RAD51B: variants seen among roughly 807,000 people sequenced by gnomAD.
RAD51B encodes DNA repair protein RAD51 homolog 2.
In RAD51B, 38 loss-of-function variants were observed where a neutral mutation model predicts 42.2. That is an observed-to-expected ratio of 0.90 (90% CI 0.70 to 1.18). The LOEUF is 1.18. Ranked by LOEUF, RAD51B falls within the 50% of genes most tolerant of loss-of-function variation. The pLI is 0.00. For synonymous variants in RAD51B, 154 were observed against 145.2 expected (o/e 1.06, Z -0.43); for missense variants, 373 against 400.7 (o/e 0.93, Z 0.59).
In RAD51B at chr14:67,918,767, C is replaced by T. The variant is rs537862637; in HGVS notation, c.756+31563C>T. Among the ~76,000 whole-genome samples the T allele has an allele frequency of 1.3e-3, 191 of 152,280 alleles. 2 individuals are homozygous for T. The highest frequency in any genetic ancestry group is 4.1e-3 in the African/African-American group (172 of 41,568). On this transcript the variant is annotated intron_variant, in intron 7 of 10. Transcript: ENST00000471583. ...GAAGCTAGTAGACAAGGAAGCAATACCTTCAAAGTGCTGAGGGAAAATTAT... is the reference window on the plus strand; with the variant it reads ...GAAGCTAGTAGACAAGGAAGCAATATCTTCAAAGTGCTGAGGGAAAATTAT...
downstream of RAD51B, among the ~76,000 whole-genome samples, chr14:68,600,080 C>T (rs1192803224): frequency 6.6e-6 from 1 of 152,168 alleles, no homozygotes; most frequent in African/African-American, 2.4e-5. Flanking sequence ...ACTCCCTGTC[C>T]CACGGGATGC....
At chr14:67,863,720 G>A (rs947887145) in intron 4 of RAD51B, among the ~76,000 whole-genome samples, 41 of 151,888 alleles carry the variant, frequency 2.7e-4, no homozygotes, top group African/African-American at 8.7e-4. Context: ...AAATTTGGGC[G>A]CCACAACTAA....
At chr14:68,308,311 A>G (rs1490025723) in intron 8 of RAD51B, among the ~76,000 whole-genome samples, 1 of 152,192 alleles carries the variant, frequency 6.6e-6, no homozygotes, top group Non-Finnish European at 1.5e-5. Flanking sequence ...GAAAAATTAG[A>G]AAGATGGAGA....
At chr14:68,157,393 G>C (rs940899271) in intron 7 of RAD51B, among the ~76,000 whole-genome samples, 3 of 152,164 alleles carry the variant, frequency 2.0e-5, no homozygotes, top group African/African-American at 7.2e-5. Flanking sequence ...ACTTAAGCAT[G>C]TTATATGAAA....
intron 8 of RAD51B, among the ~76,000 whole-genome samples, chr14:68,388,945 A>G (rs1014228889): frequency 5.3e-5 from 8 of 152,200 alleles, no homozygotes; most frequent in Non-Finnish European, 1.2e-4. Flanking sequence ...GGAGCCTTCA[A>G]TGATGTAAAT....
chr14:68,367,147 C>A (rs2083158450), intron 8 of RAD51B, among the ~76,000 whole-genome samples: 2 of 152,194 alleles, frequency 1.3e-5, no homozygotes, highest in Admixed American at 1.3e-4. Context: ...TGTAATTGTA[C>A]ATGGTCCAGT....
intron 10 of RAD51B, among the ~76,000 whole-genome samples, chr14:68,546,571 G>C (rs1457590084): frequency 6.6e-6 from 1 of 152,188 alleles, no homozygotes; most frequent in Non-Finnish European, 1.5e-5. Context: ...GAAGATGGCT[G>C]GAGCTGAGGT....
rs115949861 is a variant in RAD51B at position 68,577,369 on chromosome 14, G to A, written c.1037-17116G>A. On this transcript the variant is annotated intron_variant, in intron 10 of 10. Transcript: ENST00000487270. ...CAATTTTAATCATTTTGAAGATGAA[G>A]GTTTTGAAGATGAAGGCCCAGCCTC... Among the ~76,000 whole-genome samples the A allele has an allele frequency of 4.7e-3, 708 of 152,170 alleles. 5 individuals are homozygous for A. The highest frequency in any genetic ancestry group is 0.016 in the African/African-American group (682 of 41,520).
At chr14:68,427,495 A>G (rs1454271485) in intron 9 of RAD51B, among the ~76,000 whole-genome samples, 2 of 152,168 alleles carry the variant, frequency 1.3e-5, no homozygotes, top group Non-Finnish European at 2.9e-5. Flanking sequence ...CTGGAGCCTT[A>G]TTTGAGGTTG....
At chr14:68,095,042 C>T (rs991171144) in intron 7 of RAD51B, among the ~76,000 whole-genome samples, 3 of 152,090 alleles carry the variant, frequency 2.0e-5, no homozygotes, top group Non-Finnish European at 2.9e-5. Flanking sequence ...AGAGCAGGCT[C>T]GGGTTATTTT....
At chr14:68,628,182 T>C (rs539988024) in intron 10 of RAD51B, among the ~76,000 whole-genome samples, 124 of 152,370 alleles carry the variant, frequency 8.1e-4, no homozygotes, top group Middle Eastern at 3.4e-3. Context: ...AAATTTGGGT[T>C]CTCAAGTGGT....
At chr14:67,987,936 C>T (rs1159554785) in intron 7 of RAD51B, among the ~76,000 whole-genome samples, 2 of 152,118 alleles carry the variant, frequency 1.3e-5, no homozygotes, top group Non-Finnish European at 2.9e-5. Context: ...TCTGTAATGC[C>T]GAGTGATTTT....
At chr14:67,890,259 G>T (rs2043177571) in intron 7 of RAD51B, among the ~76,000 whole-genome samples, 1 of 151,928 alleles carries the variant, frequency 6.6e-6, no homozygotes, top group Non-Finnish European at 1.5e-5. Context: ...AATTTAGTTT[G>T]GCCCCTTCAT....
intron 7 of RAD51B, among the ~76,000 whole-genome samples, chr14:68,288,900 T>A (rs1361795193): frequency 3.9e-5 from 6 of 152,214 alleles, no homozygotes; most frequent in South Asian, 2.1e-4. Context: ...ACATTTTTTT[T>A]AACTAAGATA....
intron 10 of RAD51B, among the ~76,000 whole-genome samples, chr14:68,602,499 T>C (rs1891260105): frequency 8.5e-6 from 1 of 117,222 alleles, no homozygotes; most frequent in African/African-American, 2.9e-5. Flanking sequence ...GATGGATGGA[T>C]GGATAGCTAG....
At chr14:68,111,636 A>G (rs749074192) in intron 7 of RAD51B, among the ~76,000 whole-genome samples, 19 of 152,020 alleles carry the variant, frequency 1.2e-4, no homozygotes, top group Non-Finnish European at 2.5e-4. Context: ...TTTTGGGTAA[A>G]CTGAAAATCC....
intron 7 of RAD51B, among the ~76,000 whole-genome samples, chr14:68,132,596 T>C (rs2077917443): frequency 6.6e-6 from 1 of 152,204 alleles, no homozygotes; most frequent in Non-Finnish European, 1.5e-5. Context: ...ATATTAGGAA[T>C]GTCTCATGTG....
intron 10 of RAD51B, among the ~76,000 whole-genome samples, chr14:68,606,999 T>C (rs1032120413): frequency 6.6e-6 from 1 of 152,152 alleles, no homozygotes; most frequent in Admixed American, 6.5e-5. Context: ...TGGCATGTCA[T>C]GTGTAAATTA....
intron 10 of RAD51B, among the ~76,000 whole-genome samples, chr14:68,509,113 C>T (rs555305580): frequency 2.0e-5 from 3 of 152,380 alleles, no homozygotes; most frequent in African/African-American, 7.2e-5. Flanking sequence ...GGCCTGGGCT[C>T]ACCAGCCACT....
Sources: allele counts gnomAD v4.1 joint callset (sites outside exome capture counted in the v4.1 genomes callset), GRCh38; gene constraint gnomAD v4.1.1; transcripts MANE v1.5; gene names NCBI Gene and HGNC (gene_info 2026-07-23, HGNC 2026-07-21).